Variants in CYP51A1 observed in about 807,000 individuals in gnomAD.
CYP51A1 encodes the protein lanosterol 14-alpha demethylase.
CYP51A1 carries 45 observed loss-of-function variants against 53.5 expected under a neutral mutation model. The ratio of observed to expected loss-of-function variants is 0.84; its 90% CI spans 0.66 to 1.08. The LOEUF (loss-of-function observed/expected upper bound fraction) is 1.08. CYP51A1 is among the 50% of genes least tolerant of loss of function. The probability of loss-of-function intolerance (pLI) is 0.00; values close to 1 mark genes in which losing one functional copy is unlikely to be tolerated. For synonymous variants in CYP51A1, 181 were observed against 217.7 expected, an observed-to-expected ratio of 0.83 and a Z score of 1.48; for missense variants, 462 against 621.7, an observed-to-expected ratio of 0.74 and a Z score of 2.73.
In CYP51A1 at chr7:92,123,750, G is replaced by A. The variant is rs1320657336; in HGVS notation, c.874C>T (p.Leu292=). The change falls in exon 6 of 10, where the codon CTA becomes TTA. Residue 292 remains leucine (L), a synonymous_variant. Coordinates refer to ENST00000003100, the MANE Select transcript of CYP51A1 (RefSeq NM_000786.4). ...EKIDDILQTL[L]DATYKDGRPL... Reference sequence around the variant, plus strand: ...AGCTCTTACTTGTATGTAGCATCTAGTAAAGTTTGGAGAATGTCATCAATT... The same window carrying A: ...AGCTCTTACTTGTATGTAGCATCTAATAAAGTTTGGAGAATGTCATCAATT... 4 of 1,607,744 alleles carry A rather than the reference G, an allele frequency of 2.5e-6. No individual in the cohort carries two copies. The highest frequency in any genetic ancestry group is 8.5e-7 in the Non-Finnish European group (1 of 1,178,124).
Position 92,134,370 on chromosome 7 carries a change from C to T in CYP51A1, c.-6G>A. 6.4e-7 allele frequency: 1 copy of T among 1,568,852 alleles called. No homozygotes were observed. The highest frequency in any genetic ancestry group is 8.7e-7 in the Non-Finnish European group (1 of 1,153,032). On this transcript the variant is annotated 5_prime_UTR_variant, in exon 1 of 10. Transcript: ENST00000003100. ...ATCCCAGCCGCCGCCGCCATTCACT[C>T]CGTCGGAAACACTGAAGGCCGAGGT...
chr7:92,112,303 G>A lies in CYP51A1; in HGVS notation c.*1362C>T, dbSNP rs1028899847. 2.0e-5 allele frequency: 3 copies of A among 152,124 alleles called. No homozygotes were observed. Among genetic ancestry groups the A allele is most frequent in the African/African-American group, 7.2e-5 (3 of 41,424 alleles). The allele number at this position is 152,124 out of a possible 1,614,324, so 9.4% of individuals were successfully genotyped here. The stretch of plus-strand genomic sequence containing the variant: ...TCACCTAGTGAAAACAGACGATGTG[G>A]TATTTTTTCAGCCATCTCATATAGT... On this transcript the variant is annotated 3_prime_UTR_variant, in exon 10 of 10. Transcript: ENST00000003100.
In CYP51A1 at chr7:92,129,064, G is replaced by C. The variant is rs769180947; in HGVS notation, c.292-8C>G. 6.3e-7 allele frequency: 1 copy of C among 1,598,888 alleles called. No homozygotes were observed. Among genetic ancestry groups the C allele is most frequent in the African/African-American group, 1.3e-5 (1 of 74,096 alleles). On this transcript the variant is annotated splice_polypyrimidine_tract_variant and splice_region_variant and intron_variant, in intron 2 of 9. Coordinates refer to ENST00000003100, the MANE Select transcript of CYP51A1 (RefSeq NM_000786.4). ...ACTAAATACAGGTCCATACTAAAAA[G>C]AGAAAAGTACATATAGTGATGTTAC...
At chr7:92,115,232 G>A (rs1449249032) in intron 9 of CYP51A1, among the ~76,000 whole-genome samples, 4 of 152,136 alleles carry the variant, frequency 2.6e-5, no homozygotes, top group South Asian at 2.1e-4. Context: ...CAAGATTAAC[G>A]TAAGATCATA....
intron 1 of CYP51A1, among the ~76,000 whole-genome samples, chr7:92,133,760 G>A (rs1253052149): frequency 1.3e-5 from 2 of 152,136 alleles, no homozygotes; most frequent in African/African-American, 4.8e-5. Context: ...ATCTCCGTCA[G>A]GACCCCCACC....
In CYP51A1 at chr7:92,132,126, G is replaced by A. The variant is rs538451471; in HGVS notation, c.193-254C>T. On this transcript the variant is annotated intron_variant, in intron 1 of 9. Transcript: ENST00000003100. ...ACGACCAGATAAACACTAAGGCACT[G>A]TAAATTTAAATGATGGACACTGTCC... Among the ~76,000 whole-genome samples the A allele has an allele frequency of 2.0e-5, 3 of 152,296 alleles. No homozygotes were observed. The East Asian group carries it at 5.8e-4, about 29-fold the overall frequency.
intron 8 of CYP51A1, chr7:92,117,586 T>C (rs1246849407): frequency 6.3e-6 from 1 of 158,570 alleles, no homozygotes; most frequent in Non-Finnish European, 1.4e-5. Context: ...ACACTTCATA[T>C]TAACAATTTT....
At chr7:92,122,129 G>A (rs1329979605) in intron 7 of CYP51A1, among the ~76,000 whole-genome samples, 4 of 151,722 alleles carry the variant, frequency 2.6e-5, no homozygotes, top group Admixed American at 2.6e-4. Flanking sequence ...TTCCTAGAGA[G>A]ATATAAACTA....
chr7:92,122,977 A>G, intron 7 of CYP51A1, 143 bp downstream of exon 7: 1 of 616,130 alleles, frequency 1.6e-6, no homozygotes, highest in Non-Finnish European at 2.8e-6. Flanking sequence ...ATTTTAGGTA[A>G]GGTTATAGGG....
chr7:92,133,897 C>G (rs978567210), intron 1 of CYP51A1, among the ~76,000 whole-genome samples: 1 of 152,216 alleles, frequency 6.6e-6, no homozygotes, highest in African/African-American at 2.4e-5. Flanking sequence ...ACGACCCCGT[C>G]TAGGATCAGA....
In CYP51A1 at chr7:92,113,687, C is replaced by T. The variant is rs573070525; in HGVS notation, c.1508G>A (p.Arg503His). ...TTTTCATTTTGATCTTCGTTTGTAA[C>T]GGATAACTGGGTTTTCAGGGGTGTG... The part of the protein sequence containing the change: ...MIHTPENPVI[R>H]YKRRSK The change falls in exon 10 of 10, where the codon CGT (arginine) becomes CAT (histidine). Residue 503 changes from arginine (R) to histidine (H), a missense_variant. By Grantham distance (29) the Arg-to-His change is conservative. Transcript: ENST00000003100. 113 of 1,611,348 alleles carry T rather than the reference C, an allele frequency of 7.0e-5. No homozygotes were observed. Among genetic ancestry groups the T allele is most frequent in the East Asian group, 4.7e-4 (21 of 44,764 alleles).
chr7:92,116,515 G>A (rs1367522680), intron 9 of CYP51A1, among the ~76,000 whole-genome samples: 1 of 152,180 alleles, frequency 6.6e-6, no homozygotes, highest in Non-Finnish European at 1.5e-5. Context: ...CAAGGGTATA[G>A]CTAAATTATT....
Position 92,131,972 on chromosome 7 carries a change from G to T in CYP51A1, c.193-100C>A. 4.7e-6 allele frequency: 3 copies of T among 635,442 alleles called. No individual in the cohort carries two copies. The Admixed American group carries it at 1.0e-4, about 21-fold the overall frequency. The allele number at this position is 635,442 out of a possible 1,614,324, so 39.4% of individuals were successfully genotyped here. A position where few individuals can be genotyped will look rare whatever the true frequency, so the allele number is the denominator to read the frequency against. ...AACAATTAAACAAAATAGCTATTAA[G>T]ACTTCAAAAAAAAGTTACCAAAAAA... On this transcript the variant is annotated intron_variant, in intron 1 of 9. Transcript: ENST00000003100.
At chr7:92,117,268 A>G (rs1819597355) in intron 8 of CYP51A1, 56 bp from the exon 9 acceptor site, 8 of 1,468,028 alleles carry the variant, frequency 5.4e-6, no homozygotes, top group African/African-American at 1.4e-5. Context: ...CTGACAAATA[A>G]TCAGATCATT....
In CYP51A1 at chr7:92,134,248, G is replaced by A. The variant is rs1313069086; in HGVS notation, c.117C>T (p.Ala39=). The change falls in exon 1 of 10, where the codon GCC becomes GCT. Residue 39 remains alanine, a synonymous_variant. Coordinates refer to ENST00000003100, the MANE Select transcript of CYP51A1 (RefSeq NM_000786.4). The part of the protein sequence containing the change: ...GGNLLSMLLI[A]CAFTLSLVYL... Reference sequence around the variant, plus strand: ...AGACCAGGCTGAGGGTGAAGGCGCAGGCGATCAGCAGCATGGACAAGAGGT... The same window carrying A: ...AGACCAGGCTGAGGGTGAAGGCGCAAGCGATCAGCAGCATGGACAAGAGGT... The A allele has an allele frequency of 3.1e-6, 5 of 1,613,314 alleles. No individual in the cohort carries two copies. Among genetic ancestry groups the A allele is most frequent in the African/African-American group, 2.7e-5 (2 of 74,908 alleles).
At position 92,127,635 on chromosome 7, in the gene CYP51A1, C is replaced by CA. The variant is rs760426451; in HGVS notation, c.469-5dup. On this transcript the variant is annotated splice_region_variant and splice_polypyrimidine_tract_variant and intron_variant, in intron 3 of 9. Coordinates refer to ENST00000003100, the MANE Select transcript of CYP51A1 (RefSeq NM_000786.4). ...TTTTCTTCTGCTCCAAGAAAACCTT[C>CA]AAAAAAATTCAAAACGGGGATACGG... 281 of 1,613,034 alleles carry CA rather than the reference C, an allele frequency of 1.7e-4. No homozygotes were observed. The highest frequency in any genetic ancestry group is 2.2e-4 in the Non-Finnish European group (259 of 1,179,568).
At chr7:92,113,935 CA>C in intron 9 of CYP51A1, 92 bp from the exon 10 acceptor site, 2 of 719,088 alleles carry the variant, frequency 2.8e-6, no homozygotes, top group Non-Finnish European at 4.6e-6. Context: ...AGATGAACAG[CA>C]AATGTACAGA....
intron 8 of CYP51A1, 86 bp from the exon 9 acceptor site, chr7:92,117,298 T>C: frequency 8.8e-7 from 1 of 1,133,194 alleles, no homozygotes; most frequent in Non-Finnish European, 1.3e-6. Flanking sequence ...AGCATGAATA[T>C]ACATGGGATA....
At chr7:92,131,669 TATG>T (rs1819922391) in intron 2 of CYP51A1, 102 bp downstream of exon 2, 1 of 629,342 alleles carries the variant, frequency 1.6e-6, no homozygotes, top group Non-Finnish European at 2.8e-6. Context: ...AGGATATGTA[TATG>T]ATTACAATGT....
Sources: gnomAD v4.1 joint callset for allele counts (sites outside exome capture counted in the v4.1 genomes callset) on GRCh38, gnomAD v4.1.1 for gene constraint, MANE v1.5 for transcripts, NCBI Gene and HGNC (gene_info 2026-07-23, HGNC 2026-07-21) for gene names.